The following DNAH10 variants were observed in gnomAD, a reference collection of about 807,000 sequenced individuals.
DNAH10 encodes axonemal beta dynein heavy chain 10.
A neutral mutation model predicts 506.6 loss-of-function variants in DNAH10; 348 were observed. The observed-to-expected ratio is 0.69, with a 90% CI of 0.63 to 0.75. The LOEUF (loss-of-function observed/expected upper bound fraction) is 0.75. DNAH10 is among the 30% of genes least tolerant of loss of function. The probability of loss-of-function intolerance (pLI) is 0.00; values close to 1 mark genes in which losing one functional copy is unlikely to be tolerated. For synonymous variants in DNAH10, 2,059 were observed against 2,198.6 expected (o/e 0.94, Z 1.78); for missense variants, 5,179 against 5,787.1 (o/e 0.89, Z 3.41).
chr12:123,832,758 C>T (rs1000370172), intron 26 of DNAH10, among the ~76,000 whole-genome samples: 7 of 152,126 alleles, frequency 4.6e-5, no homozygotes, highest in Non-Finnish European at 7.4e-5. Flanking sequence ...GTGCAGACTT[C>T]GGGGGCAGAC....
At chr12:123,822,418 T>TTAGTC (rs1259949624) in intron 24 of DNAH10, among the ~76,000 whole-genome samples, 2 of 152,136 alleles carry the variant, frequency 1.3e-5, no homozygotes, top group Non-Finnish European at 2.9e-5. Context: ...ACTGACTATG[T>TTAGTC]TAGTCTGGGT....
chr12:123,766,908 CT>C (rs374930458), intron 1 of DNAH10, among the ~76,000 whole-genome samples: 21,945 of 137,866 alleles, frequency 0.16, 3,047 homozygotes, highest in African/African-American at 0.39. Context: ...TTTCTTTTTT[CT>C]TTTTTTTTTT....
chr12:123,808,068 T>G (rs950073074), intron 18 of DNAH10, among the ~76,000 whole-genome samples: 1 of 143,898 alleles, frequency 6.9e-6, no homozygotes, highest in Admixed American at 7.0e-5. Context: ...GGTCTCACTC[T>G]GTCACCAAGG....
chr12:123,916,535 G>A lies in DNAH10; in HGVS notation c.10801G>A (p.Asp3601Asn), dbSNP rs527378092. The change falls in exon 63 of 79, where the codon GAT becomes AAT. Residue 3601 changes from aspartate (D) to asparagine (N), a missense_variant. Asp to Asn is a conservative substitution (Grantham distance 23). Transcript: ENST00000673944. The surrounding 1 kb of genome is among the most constrained non-coding windows in gnomAD (Gnocchi z 4.6). ...IKYGTPFLFRDVDEYIDPVID... is the reference protein window; with the variant it reads ...IKYGTPFLFRNVDEYIDPVID... ...GTACGGGACCCCTTTCCTGTTCCGC[G>A]ATGTTGATGAATACATCGATCCTGT... 197 of 1,613,836 alleles carry A rather than the reference G, an allele frequency of 1.2e-4. No homozygotes were observed. Among genetic ancestry groups the A allele is most frequent in the Non-Finnish European group, 1.6e-4 (192 of 1,179,870 alleles).
intron 2 of DNAH10, among the ~76,000 whole-genome samples, chr12:123,769,753 AAG>A (rs1167288751): frequency 6.6e-6 from 1 of 151,554 alleles, no homozygotes; most frequent in Admixed American, 6.6e-5. Context: ...GTACATTCAT[AAG>A]TGTATTTTCC....
rs756786551 is a variant in DNAH10 at position 123,914,357 on chromosome 12, C to T, written c.10381C>T (p.His3461Tyr). Residue 3461 changes from histidine (H) to tyrosine (Y), a missense_variant, in exon 61 of 79, where the codon CAC becomes TAC. Physicochemically the swap from His to Tyr is moderately conservative, Grantham distance 83 (BLOSUM62 2). Around this residue, in one of 3 missense-constraint regions of DNAH10, gnomAD observed 4,844 missense variants for 5,430.5 expected, o/e 0.89. Coordinates refer to ENST00000673944, the MANE Select transcript of DNAH10 (RefSeq NM_001372106.1). ...GCTGAACGACCTGGATGAGCTGATG[C>T]ACCGGCGCGTGAAGCTGCTGGGGGA... Reference protein sequence around the residue: ...RWLNDLDELMHRRVKLLGDCL... With the variant: ...RWLNDLDELMYRRVKLLGDCL... 2.5e-6 allele frequency: 4 copies of T among 1,613,084 alleles called. No homozygotes were observed. Among genetic ancestry groups the T allele is most frequent in the Admixed American group, 1.7e-5 (1 of 60,008 alleles).
chr12:123,811,326 CTT>C (rs113411148), intron 19 of DNAH10, among the ~76,000 whole-genome samples: 25 of 142,428 alleles, frequency 1.8e-4, no homozygotes, highest in Non-Finnish European at 1.7e-4. Context: ...ATTAGTATTA[CTT>C]TTTTTTTTTT....
In DNAH10 at chr12:123,879,752, G is replaced by C. The variant is rs376242111; in HGVS notation, c.8585G>C (p.Arg2862Pro). ...FQMALHEGEP[R>P]IYEDIQDYEA... ...ATGGCTCTGCACGAAGGAGAACCACGCATTTATGAAGACATCCAGGACTAC... is the reference window on the plus strand; with the variant it reads ...ATGGCTCTGCACGAAGGAGAACCACCCATTTATGAAGACATCCAGGACTAC... Residue 2862 changes from arginine to proline, a missense_variant, in exon 50 of 79, where the codon CGC becomes CCC. This residue lies in a region of DNAH10 where 4,844 missense variants were observed against 5,430.5 expected (regional missense o/e 0.89). Transcript: ENST00000673944. 1 of 1,613,914 alleles carries C rather than the reference G, an allele frequency of 6.2e-7. No individual in the cohort carries two copies. The highest frequency in any genetic ancestry group is 8.5e-7 in the Non-Finnish European group (1 of 1,179,898).
At chr12:123,786,491 C>T (rs150979608) in intron 9 of DNAH10, among the ~76,000 whole-genome samples, 7 of 151,882 alleles carry the variant, frequency 4.6e-5, no homozygotes, top group African/African-American at 1.2e-4. Context: ...AACCATACAG[C>T]GTGCTGTCTT....
chr12:123,795,831 A>G (rs1001216395), intron 12 of DNAH10, among the ~76,000 whole-genome samples: 1 of 152,264 alleles, frequency 6.6e-6, no homozygotes, highest in East Asian at 1.9e-4. Flanking sequence ...GTAGTCAATA[A>G]CCTAATTATA....
Position 123,916,324 on chromosome 12 carries a change from CTCT to C in DNAH10, c.10723-128_10723-126del. 1.7e-6 allele frequency: 2 copies of C among 1,177,614 alleles called. No individual in the cohort carries two copies. Among genetic ancestry groups the C allele is most frequent in the South Asian group, 1.5e-5 (1 of 66,294 alleles). 72.9% of individuals were successfully genotyped at this position (1,177,614 alleles called of 1,614,324 possible). A position where few individuals can be genotyped will look rare whatever the true frequency, so the allele number is the denominator to read the frequency against. ...TATATGCGTTATACCCCTTGCTTCT[CTCT>C]TCTTTTCACCTCTGGCCCCCTCCAA... On this transcript the variant is annotated intron_variant, in intron 62 of 78. Transcript: ENST00000673944. The surrounding 1 kb of genome is among the most constrained non-coding windows in gnomAD (Gnocchi z 4.6).
At chr12:123,883,544 G>A (rs1270852441) in intron 51 of DNAH10, among the ~76,000 whole-genome samples, 4 of 152,084 alleles carry the variant, frequency 2.6e-5, no homozygotes, top group African/African-American at 7.2e-5. Context: ...AGGGTCTCCC[G>A]TTATCCAAAA....
chr12:123,800,217 C>T lies in DNAH10; in HGVS notation c.2291C>T (p.Ser764Phe), dbSNP rs774537185. The T allele has an allele frequency of 6.8e-6, 11 of 1,613,470 alleles. No homozygotes were observed. In the South Asian group the frequency reaches 1.2e-4, roughly 18 times the overall value. Residue 764 changes from serine (S) to phenylalanine (F), a missense_variant and splice_region_variant, in exon 15 of 79, where the codon TCT becomes TTT. Transcript: ENST00000673944. ...GCTGATGGAATGTCTCTTCCACAGT[C>T]TTCCATCGCCACAGAGGAGCCTTCG... ...ALMKKSLLTK[S>F]SIATEEPSTL...
Position 123,794,020 on chromosome 12 carries a change from C to T in DNAH10, c.1894C>T (p.Leu632Phe), listed in dbSNP as rs1057091554. ...LRSAEAAFDM[L>F]LKFKHIRSRE... ...ATCTGCTGAAGCAGCATTTGACATG[C>T]TTTTAAAATTTAAGCACATTCGTTC... The change falls in exon 12 of 79, where the codon CTT becomes TTT. Residue 632 changes from leucine to phenylalanine, a missense_variant. Physicochemically the swap from Leu to Phe is conservative, Grantham distance 22. Coordinates refer to ENST00000673944, the MANE Select transcript of DNAH10 (RefSeq NM_001372106.1). 4 of 1,285,628 alleles carry T rather than the reference C, an allele frequency of 3.1e-6. No individual in the cohort carries two copies. The highest frequency in any genetic ancestry group is 4.7e-5 in the Admixed American group (2 of 42,996). The allele number at this position is 1,285,628 out of a possible 1,614,324, so 79.6% of individuals were successfully genotyped here.
chr12:123,778,601 G>T lies in DNAH10; in HGVS notation c.622-2479G>T, dbSNP rs143562729. On this transcript the variant is annotated intron_variant, in intron 5 of 78. Transcript: ENST00000673944. ...GTCCCAGCTACTTGGGAGGCTGAGG[G>T]AGGAGAATTGCTTGAACCCAGGAGG... is the stretch of plus-strand genomic sequence containing the variant. 4.5e-3 allele frequency among the ~76,000 whole-genome samples: 675 copies of T among 151,202 alleles called. 5 individuals carry two copies. Among genetic ancestry groups the T allele is most frequent in the African/African-American group, 0.015 (638 of 41,188 alleles).
In DNAH10 at chr12:123,822,881, G is replaced by A. The variant is rs536681499; in HGVS notation, c.4179+2123G>A. Among the ~76,000 whole-genome samples the A allele has an allele frequency of 2.6e-5, 4 of 152,316 alleles. 1 individual carries two copies. The East Asian group carries it at 7.7e-4, about 29-fold the overall frequency. On this transcript the variant is annotated intron_variant, in intron 24 of 78. Coordinates refer to ENST00000673944, the MANE Select transcript of DNAH10 (RefSeq NM_001372106.1). The stretch of plus-strand genomic sequence containing the variant: ...TCAGGCCTGCAGTGGATTGAGTGAG[G>A]CCATCCATGTTGGGGAGGGCCACCT...
chr12:123,933,413 C>T lies in DNAH10; in HGVS notation c.13379C>T (p.Thr4460Ile). ...TACCTCACGGCGCTGGTGCAGGCCACCTGCCGGAAGAACGGCTGGCCACTG... is the reference window on the plus strand; with the variant it reads ...TACCTCACGGCGCTGGTGCAGGCCATCTGCCGGAAGAACGGCTGGCCACTG... ...ESYLTALVQATCRKNGWPLDR... is the reference protein window; with the variant it reads ...ESYLTALVQAICRKNGWPLDR... The change falls in exon 77 of 79, where the codon ACC becomes ATC. Residue 4460 changes from threonine to isoleucine, a missense_variant. Thr to Ile is a moderately conservative substitution (Grantham distance 89). Coordinates refer to ENST00000673944, the MANE Select transcript of DNAH10 (RefSeq NM_001372106.1). The T allele has an allele frequency of 1.2e-6, 2 of 1,612,460 alleles. No individual in the cohort carries two copies. The highest frequency in any genetic ancestry group is 1.1e-5 in the South Asian group (1 of 90,984).
intron 52 of DNAH10, among the ~76,000 whole-genome samples, chr12:123,889,620 A>C (rs1421745058): frequency 6.6e-6 from 1 of 152,204 alleles, no homozygotes; most frequent in African/African-American, 2.4e-5. Context: ...GAGTGTGGGC[A>C]GGAGCATCTC....
Position 123,919,014 on chromosome 12 carries a change from A to T in DNAH10, c.11506+65A>T. The stretch of plus-strand genomic sequence containing the variant: ...TGGTGTGCCAGACGTGGCTTTAAGG[A>T]AACGTGATCTGTGAAAATGGAAAGT... On this transcript the variant is annotated intron_variant, in intron 65 of 78. Transcript: ENST00000673944. The surrounding 1 kb of genome is among the most constrained non-coding windows in gnomAD (Gnocchi z 4.9). 1 of 1,461,154 alleles carries T rather than the reference A, an allele frequency of 6.8e-7. No homozygotes were observed. Among genetic ancestry groups the T allele is most frequent in the Non-Finnish European group, 9.1e-7 (1 of 1,101,214 alleles). The allele number at this position is 1,461,154 out of a possible 1,614,324, so 90.5% of individuals were successfully genotyped here.
Sources: allele counts gnomAD v4.1 joint callset (sites outside exome capture counted in the v4.1 genomes callset), GRCh38; gene constraint gnomAD v4.1.1; regional missense constraint gnomAD v4.1.1; non-coding constraint Gnocchi (gnomAD v3.1); transcripts MANE v1.5; gene names NCBI Gene and HGNC (gene_info 2026-07-23, HGNC 2026-07-21).